The following MAX variants were observed in gnomAD, a reference collection of about 807,000 sequenced individuals.
MAX encodes the protein MYC associated transcriptional regulator X.
In MAX, 3 loss-of-function variants were observed where a neutral mutation model predicts 22.3. The observed-to-expected ratio is 0.13, with a 90% CI of 0.06 to 0.35. The LOEUF (loss-of-function observed/expected upper bound fraction) is 0.35. MAX is among the 10% of genes least tolerant of loss of function. The pLI is 1.00. For missense variants in MAX, 119 were observed against 209.4 expected, an observed-to-expected ratio of 0.57 and a Z score of 2.66; for synonymous variants, 72 against 77.7, an observed-to-expected ratio of 0.93 and a Z score of 0.39.
Position 65,076,965 on chromosome 14 carries a change from C to T in MAX, c.296-302G>A. The T allele has an allele frequency of 3.6e-6, 2 of 558,148 alleles. No homozygotes were observed. The highest frequency in any genetic ancestry group is 4.8e-4 in the Middle Eastern group (1 of 2,066). 34.6% of individuals were successfully genotyped at this position (558,148 alleles called of 1,614,324 possible). A position where few individuals can be genotyped will look rare whatever the true frequency, so the allele number is the denominator to read the frequency against. ...CCGTGGAGAGACTGGAGCGTGAGCT[C>T]CCTGTGGGATTCAGCAGTGCAATAA... is the stretch of plus-strand genomic sequence containing the variant. On this transcript the variant is annotated intron_variant, in intron 4 of 4. Coordinates refer to ENST00000358664, the MANE Select transcript of MAX (RefSeq NM_002382.5). The surrounding 1 kb of genome is among the most constrained non-coding windows in gnomAD (Gnocchi z 6.6).
intron 3 of MAX, among the ~76,000 whole-genome samples, chr14:65,016,208 G>A (rs1205355945): frequency 6.6e-6 from 1 of 152,168 alleles, no homozygotes; most frequent in Non-Finnish European, 1.5e-5. Context: ...GCATACAAAT[G>A]CCATGACTCT....
At position 65,076,291 on chromosome 14, in the gene MAX, A is replaced by G. The variant is rs528344752; in HGVS notation, c.*185T>C. The G allele has an allele frequency of 6.9e-7, 1 of 1,459,124 alleles. No individual in the cohort carries two copies. The highest frequency in any genetic ancestry group is 1.4e-5 in the African/African-American group (1 of 69,974). 90.4% of individuals were successfully genotyped at this position (1,459,124 alleles called of 1,614,324 possible). On this transcript the variant is annotated 3_prime_UTR_variant, in exon 5 of 5. Transcript: ENST00000358664. This position sits in a 1 kb window ranked among gnomAD's most constrained non-coding sequence, Gnocchi z 6.6. ...ATACATTAAAAAATATACAGTGGAA[A>G]TGGGGAAGGAGAACGAGAGCTGTTG...
chr14:65,046,222 C>T (rs1167521085), intron 3 of MAX, among the ~76,000 whole-genome samples: 1 of 152,118 alleles, frequency 6.6e-6, no homozygotes, highest in African/African-American at 2.4e-5. Flanking sequence ...GTGATCTGTC[C>T]GCCTTGGCCT....
rs182690251 is a variant in MAX at position 65,062,544 on chromosome 14, A to G, written c.171+31164T>C. ...GCAGACAGGAGCTCAGAGATGCAGCATGAGGCGCTTAGAAAAACCTGGCCA... is the reference window on the plus strand; with the variant it reads ...GCAGACAGGAGCTCAGAGATGCAGCGTGAGGCGCTTAGAAAAACCTGGCCA... On this transcript the variant is annotated intron_variant, in intron 3 of 3. Coordinates refer to the MAX transcript ENST00000341653. This position sits in a 1 kb window ranked among gnomAD's most constrained non-coding sequence, Gnocchi z 4.3. 59 of 152,826 alleles carry G rather than the reference A, an allele frequency of 3.9e-4. No individual in the cohort carries two copies. Among genetic ancestry groups the G allele is most frequent in the African/African-American group, 1.4e-3 (57 of 41,598 alleles). The allele number at this position is 152,826 out of a possible 1,614,324, so 9.5% of individuals were successfully genotyped here.
rs1261602504 is a variant in MAX, at chr14:65,023,717, GCCTATTGGA to G, written c.172-17442_172-17434del. ...AAATTGCCTCATGTGGCTAGTGGCT[GCCTATTGGA>G]CAGCACAGATGTATCTCATTGCTAC... On this transcript the variant is annotated intron_variant, in intron 3 of 3. Transcript: ENST00000341653. This position sits in a 1 kb window ranked among gnomAD's most constrained non-coding sequence, Gnocchi z 4.1. 2.0e-5 allele frequency among the ~76,000 whole-genome samples: 3 copies of G among 152,056 alleles called. No homozygotes were observed. Among genetic ancestry groups the G allele is most frequent in the Non-Finnish European group, 4.4e-5 (3 of 67,972 alleles).
chr14:65,076,187 G>A lies in MAX; in HGVS notation c.*289C>T. The stretch of plus-strand genomic sequence containing the variant: ...TGCTCAGAGGTCCGGCCGGCCGTCT[G>A]TCCTCCACAGAAAAAGCTGCCAAGT... On this transcript the variant is annotated 3_prime_UTR_variant, in exon 5 of 5. Transcript: ENST00000358664. The surrounding 1 kb of genome is among the most constrained non-coding windows in gnomAD (Gnocchi z 6.6). The A allele has an allele frequency of 7.1e-7, 1 of 1,407,364 alleles. No individual in the cohort carries two copies. The highest frequency in any genetic ancestry group is 9.2e-7 in the Non-Finnish European group (1 of 1,084,720). The allele number at this position is 1,407,364 out of a possible 1,614,324, so 87.2% of individuals were successfully genotyped here. A position where few individuals can be genotyped will look rare whatever the true frequency, so the allele number is the denominator to read the frequency against.
At chr14:65,055,867 A>G (rs1238124853) in intron 3 of MAX, among the ~76,000 whole-genome samples, 4 of 152,206 alleles carry the variant, frequency 2.6e-5, no homozygotes, top group African/African-American at 9.6e-5. Context: ...AGAAACACAA[A>G]TGGCCAATAG....
rs947461816 is a variant in MAX at position 65,029,097 on chromosome 14, C to T, written c.172-22813G>A. 1.3e-5 allele frequency among the ~76,000 whole-genome samples: 2 copies of T among 152,092 alleles called. No homozygotes were observed. Among genetic ancestry groups the T allele is most frequent in the African/African-American group, 4.8e-5 (2 of 41,402 alleles). On this transcript the variant is annotated intron_variant, in intron 3 of 3. Coordinates refer to the MAX transcript ENST00000341653. The surrounding 1 kb of genome is among the most constrained non-coding windows in gnomAD (Gnocchi z 4.7). ...CAGTAAGGCAGCTTGGTTCCCCTGC[C>T]AAGCACTGTAGCCATATTCTTCCCT... is the stretch of plus-strand genomic sequence containing the variant.
intron 3 of MAX, among the ~76,000 whole-genome samples, chr14:65,045,194 T>A (rs1688552869): frequency 2.6e-5 from 4 of 152,138 alleles, no homozygotes; most frequent in Non-Finnish European, 4.4e-5. Flanking sequence ...GTGTACTTGA[T>A]GTGAGAGCAG....
chr14:65,053,261 C>A, intron 3 of MAX: 1 of 1,437,858 alleles, frequency 7.0e-7, no homozygotes, highest in East Asian at 2.7e-5. Context: ...TAGCATGAGC[C>A]ACTGGATGTT....
chr14:65,078,502 C>T lies in MAX; in HGVS notation c.172-466G>A, dbSNP rs1368962363. Among the ~76,000 whole-genome samples, 3 of 151,362 alleles carry T rather than the reference C, an allele frequency of 2.0e-5. No homozygotes were observed. The highest frequency in any genetic ancestry group is 1.3e-4 in the Admixed American group (2 of 15,202). ...TATAGGTCACAGGTGTGAGCCACTG[C>T]GCCCAGCCTGTTGTTGTTGTTGTTG... is the stretch of plus-strand genomic sequence containing the variant. On this transcript the variant is annotated intron_variant, in intron 3 of 4. Transcript: ENST00000358664. The surrounding 1 kb of genome is among the most constrained non-coding windows in gnomAD (Gnocchi z 6.4).
At chr14:65,067,666 G>A (rs747921194) in intron 3 of MAX, among the ~76,000 whole-genome samples, 29 of 149,584 alleles carry the variant, frequency 1.9e-4, no homozygotes, top group East Asian at 2.0e-4. Context: ...TTGCTCTGTC[G>A]CCCAGGCTAG....
At position 65,032,503 on chromosome 14, in the gene MAX, G is replaced by A; in HGVS notation, c.172-26219C>T. ...CCGTGTGCCAAGAGTGAGGACAGGA[G>A]GTGATTACAGCTTACTAGGCAAGGC... On this transcript the variant is annotated intron_variant, in intron 3 of 3. Coordinates refer to the MAX transcript ENST00000341653. This position sits in a 1 kb window ranked among gnomAD's most constrained non-coding sequence, Gnocchi z 5.0. 1 of 1,183,456 alleles carries A rather than the reference G, an allele frequency of 8.4e-7. No homozygotes were observed. Among genetic ancestry groups the A allele is most frequent in the Non-Finnish European group, 1.2e-6 (1 of 853,094 alleles). The allele number at this position is 1,183,456 out of a possible 1,614,324, so 73.3% of individuals were successfully genotyped here.
Position 65,069,823 on chromosome 14 carries a change from T to A in MAX, c.171+23885A>T, listed in dbSNP as rs2062967580. On this transcript the variant is annotated intron_variant, in intron 3 of 3. Transcript: ENST00000341653. The surrounding 1 kb of genome is among the most constrained non-coding windows in gnomAD (Gnocchi z 4.6). ...CACAGAGGTCCCTGGATGGGAAACA[T>A]GGTCAAGTTGTTGGAAACAGGGTCC... Among the ~76,000 whole-genome samples the A allele has an allele frequency of 6.6e-6, 1 of 152,246 alleles. No homozygotes were observed. Among genetic ancestry groups the A allele is most frequent in the East Asian group, 1.9e-4 (1 of 5,194 alleles).
Position 65,032,991 on chromosome 14 carries a change from G to C in MAX, c.172-26707C>G, listed in dbSNP as rs2062115160. Among the ~76,000 whole-genome samples, 1 of 152,146 alleles carries C rather than the reference G, an allele frequency of 6.6e-6. No individual in the cohort carries two copies. The highest frequency in any genetic ancestry group is 1.5e-5 in the Non-Finnish European group (1 of 68,026). The stretch of plus-strand genomic sequence containing the variant: ...AGAGCAATTTGACAGTATGTCAAAG[G>C]TGCCCTTGCGTAGGACCCAGTAATT... On this transcript the variant is annotated intron_variant, in intron 3 of 3. Transcript: ENST00000341653. The surrounding 1 kb of genome is among the most constrained non-coding windows in gnomAD (Gnocchi z 5.0).
rs2062050928 is a variant in MAX, at chr14:65,030,075, C to G, written c.172-23791G>C. Among the ~76,000 whole-genome samples, 1 of 152,172 alleles carries G rather than the reference C, an allele frequency of 6.6e-6. No homozygotes were observed. The highest frequency in any genetic ancestry group is 6.5e-5 in the Admixed American group (1 of 15,270). ...TTTCCTCCCCATCTCAGCGTGAGACCTGGGACTCCTGTCTTCTGTCATCAC... is the reference window on the plus strand; with the variant it reads ...TTTCCTCCCCATCTCAGCGTGAGACGTGGGACTCCTGTCTTCTGTCATCAC... On this transcript the variant is annotated intron_variant, in intron 3 of 3. Transcript: ENST00000341653. The surrounding 1 kb of genome is among the most constrained non-coding windows in gnomAD (Gnocchi z 4.5).
intron 3 of MAX, among the ~76,000 whole-genome samples, chr14:65,068,503 C>A (rs558571373): frequency 6.6e-6 from 1 of 152,148 alleles, no homozygotes; most frequent in Non-Finnish European, 1.5e-5. Flanking sequence ...ATAAACTACC[C>A]GGAATTCTAC....
chr14:65,071,436 G>A (rs912024992), downstream of MAX, among the ~76,000 whole-genome samples: 2 of 152,168 alleles, frequency 1.3e-5, no homozygotes, highest in South Asian at 2.1e-4. The surrounding 1 kb of genome is among the most constrained non-coding windows in gnomAD (Gnocchi z 4.2). Flanking sequence ...GAGCCTCTGC[G>A]CCCAGCTTCA....
rs2063050439 is a variant in MAX at position 65,076,163 on chromosome 14, G to A, written c.*313C>T. ...TGGTAGGGTGGGCAGGACACTATGT[G>A]CTCAGAGGTCCGGCCGGCCGTCTGT... On this transcript the variant is annotated 3_prime_UTR_variant, in exon 5 of 5. Coordinates refer to ENST00000358664, the MANE Select transcript of MAX (RefSeq NM_002382.5). The surrounding 1 kb of genome is among the most constrained non-coding windows in gnomAD (Gnocchi z 6.6). 2 of 1,370,472 alleles carry A rather than the reference G, an allele frequency of 1.5e-6. No individual in the cohort carries two copies. Among genetic ancestry groups the A allele is most frequent in the Admixed American group, 6.2e-5 (2 of 32,040 alleles). The allele number at this position is 1,370,472 out of a possible 1,614,324, so 84.9% of individuals were successfully genotyped here.
Sources: allele counts gnomAD v4.1 joint callset (sites outside exome capture counted in the v4.1 genomes callset), GRCh38; gene constraint gnomAD v4.1.1; non-coding constraint Gnocchi (gnomAD v3.1); transcripts MANE v1.5; gene names NCBI Gene and HGNC (gene_info 2026-07-23, HGNC 2026-07-21).